Variants in IMMP2L observed in about 807,000 individuals in gnomAD.
IMMP2L encodes mitochondrial inner membrane protease subunit 2.
Under a neutral mutation model 19.3 loss-of-function variants are expected in IMMP2L, and 18 were observed. The observed-to-expected ratio is 0.93, with a 90% CI of 0.64 to 1.38. IMMP2L has a LOEUF of 1.38. Ranked by LOEUF, IMMP2L falls within the 40% of genes most tolerant of loss-of-function variation. The probability of loss-of-function intolerance (pLI) is 0.00; values close to 1 mark genes in which losing one functional copy is unlikely to be tolerated. For synonymous variants in IMMP2L, 76 were observed against 73.0 expected (o/e 1.04, Z -0.21); for missense variants, 233 against 218.2 (o/e 1.07, Z -0.43).
chr7:111,202,401 A>G (rs963596647), intron 3 of IMMP2L, among the ~76,000 whole-genome samples: 1 of 152,204 alleles, frequency 6.6e-6, no homozygotes, highest in Non-Finnish European at 1.5e-5. Flanking sequence ...GCTTCCTGTC[A>G]TGTAGAATTC....
intron 3 of IMMP2L, among the ~76,000 whole-genome samples, chr7:111,455,025 G>A (rs911479832): frequency 6.6e-6 from 1 of 151,720 alleles, no homozygotes; most frequent in Non-Finnish European, 1.5e-5. Context: ...ATTAGTGGAT[G>A]TCCTATCTAG....
At chr7:111,436,551 T>C (rs908347737) in intron 3 of IMMP2L, among the ~76,000 whole-genome samples, 2 of 151,682 alleles carry the variant, frequency 1.3e-5, no homozygotes, top group Non-Finnish European at 2.9e-5. Context: ...CCCACACATA[T>C]ATGAATACTT....
chr7:110,691,752 T>C (rs1426325047), intron 5 of IMMP2L, among the ~76,000 whole-genome samples: 2 of 151,990 alleles, frequency 1.3e-5, no homozygotes, highest in Non-Finnish European at 2.9e-5. Context: ...AAAACCACAA[T>C]GAGATATCAC....
chr7:110,734,212 T>C (rs2130832552), intron 5 of IMMP2L, among the ~76,000 whole-genome samples: 1 of 152,330 alleles, frequency 6.6e-6, no homozygotes, highest in South Asian at 2.1e-4. Context: ...AGTGTTGATC[T>C]TCTTAGAGAT....
intron 5 of IMMP2L, among the ~76,000 whole-genome samples, chr7:110,850,747 T>C (rs1001201201): frequency 2.6e-5 from 4 of 151,508 alleles, no homozygotes; most frequent in African/African-American, 7.3e-5. Context: ...TCAGGAACTA[T>C]AAAGAAAAGA....
intron 3 of IMMP2L, among the ~76,000 whole-genome samples, chr7:111,333,838 C>T (rs187981812): frequency 8.9e-4 from 136 of 152,170 alleles, no homozygotes; most frequent in Admixed American, 1.7e-3. Flanking sequence ...TTCCTTGCTC[C>T]GCAGCTTGCA....
intron 3 of IMMP2L, among the ~76,000 whole-genome samples, chr7:111,210,364 T>C (rs1229710716): frequency 2.0e-5 from 3 of 152,194 alleles, no homozygotes; most frequent in Non-Finnish European, 2.9e-5. Context: ...GCTGGGTTTA[T>C]TTCACGTGTA....
chr7:111,196,846 C>T (rs922019697), intron 3 of IMMP2L, among the ~76,000 whole-genome samples: 2 of 152,000 alleles, frequency 1.3e-5, no homozygotes, highest in Non-Finnish European at 2.9e-5. Flanking sequence ...ATTTTTGTAA[C>T]GTAAAAATAT....
chr7:111,159,039 A>G (rs1313525462), intron 3 of IMMP2L, among the ~76,000 whole-genome samples: 1 of 152,192 alleles, frequency 6.6e-6, no homozygotes, highest in Non-Finnish European at 1.5e-5. Context: ...ATAAAATTAT[A>G]AGTGTTTTGA....
intron 3 of IMMP2L, among the ~76,000 whole-genome samples, chr7:111,344,798 C>T (rs187287030): frequency 2.1e-4 from 32 of 152,172 alleles, no homozygotes; most frequent in African/African-American, 7.0e-4. Flanking sequence ...AAGTAGATCG[C>T]TGTTACCTTA....
chr7:111,228,731 A>G (rs1021465890), intron 3 of IMMP2L, among the ~76,000 whole-genome samples: 3 of 152,104 alleles, frequency 2.0e-5, no homozygotes, highest in Admixed American at 6.6e-5. Context: ...TAAATATTCT[A>G]TAGTTATTTG....
At chr7:110,759,355 C>A (rs1798217700) in intron 5 of IMMP2L, among the ~76,000 whole-genome samples, 1 of 151,962 alleles carries the variant, frequency 6.6e-6, no homozygotes, top group South Asian at 2.1e-4. Context: ...GTGACTTGCA[C>A]AAAGTAGATG....
At chr7:110,796,680 A>G (rs1800883854) in intron 5 of IMMP2L, among the ~76,000 whole-genome samples, 2 of 152,134 alleles carry the variant, frequency 1.3e-5, no homozygotes, top group South Asian at 4.1e-4. Context: ...CTAGATAAGG[A>G]AGAACTCAGA....
At chr7:110,912,923 G>A (rs763080483) in intron 4 of IMMP2L, among the ~76,000 whole-genome samples, 3 of 151,908 alleles carry the variant, frequency 2.0e-5, no homozygotes, top group Non-Finnish European at 4.4e-5. Context: ...ATGCAGAATG[G>A]CAGAAAGGAC....
At chr7:111,500,001 T>A (rs1585372778) in intron 2 of IMMP2L, among the ~76,000 whole-genome samples, 2 of 151,572 alleles carry the variant, frequency 1.3e-5, no homozygotes, top group South Asian at 2.1e-4. Flanking sequence ...CAAAGCAGGG[T>A]GAGGCATTGC....
At chr7:111,489,200 C>T (rs1293424286) in intron 2 of IMMP2L, among the ~76,000 whole-genome samples, 3 of 151,922 alleles carry the variant, frequency 2.0e-5, no homozygotes, top group Admixed American at 6.6e-5. Context: ...CCTGCCATCA[C>T]GCCCAGCTAA....
chr7:110,684,168 C>T lies in IMMP2L; in HGVS notation c.409-20447G>A, dbSNP rs559199267. ...AATAAAATAAAACTGGTAGAGCTAC[C>T]ATAAACCAGAAGAAATTCCTCATGG... On this transcript the variant is annotated intron_variant, in intron 5 of 5. Coordinates refer to ENST00000405709, the MANE Select transcript of IMMP2L (RefSeq NM_032549.4). Among the ~76,000 whole-genome samples, 3 of 152,168 alleles carry T rather than the reference C, an allele frequency of 2.0e-5. No individual in the cohort carries two copies. In the East Asian group the frequency reaches 5.8e-4, roughly 29 times the overall value.
intron 4 of IMMP2L, among the ~76,000 whole-genome samples, chr7:110,898,405 G>A (rs981624001): frequency 4.6e-5 from 7 of 152,042 alleles, no homozygotes; most frequent in African/African-American, 1.2e-4. Context: ...TCATTTTGCC[G>A]TTGCTAAGGG....
chr7:110,970,874 G>A (rs777010831), intron 3 of IMMP2L, among the ~76,000 whole-genome samples: 14 of 152,028 alleles, frequency 9.2e-5, no homozygotes, highest in East Asian at 1.9e-4. Context: ...CCTCATAACC[G>A]TAACACTTCA....
Sources: gnomAD v4.1 joint callset for allele counts (sites outside exome capture counted in the v4.1 genomes callset) on GRCh38, gnomAD v4.1.1 for gene constraint, MANE v1.5 for transcripts, NCBI Gene and HGNC (gene_info 2026-07-23, HGNC 2026-07-21) for gene names.